The following RBFOX1 variants were observed in gnomAD, a reference collection of about 807,000 sequenced individuals.
RBFOX1 encodes RNA binding protein fox-1 homolog 1.
RBFOX1 carries 8 observed loss-of-function variants against 57.7 expected under a neutral mutation model. That is an observed-to-expected ratio of 0.14 (90% CI 0.08 to 0.25). The LOEUF is 0.25. Ranked by LOEUF, RBFOX1 falls within the 10% of genes least tolerant of loss-of-function variation. The pLI, the probability that RBFOX1 is intolerant of heterozygous loss-of-function variation, is 1.00. For synonymous variants in RBFOX1, 326 were observed against 222.4 expected (o/e 1.47, Z -4.15); for missense variants, 611 against 548.5 (o/e 1.11, Z -1.14).
At chr16:6,034,620 G>T (rs190403746) in intron 1 of RBFOX1, among the ~76,000 whole-genome samples, 1 of 152,156 alleles carries the variant, frequency 6.6e-6, no homozygotes, top group Non-Finnish European at 1.5e-5. Context: ...GTCCTTAATA[G>T]TGTTGCATTG....
At chr16:7,595,265 G>T (rs2094627502) in intron 7 of RBFOX1, among the ~76,000 whole-genome samples, 1 of 151,338 alleles carries the variant, frequency 6.6e-6, no homozygotes, top group South Asian at 2.1e-4. Context: ...TTTTCTTTTC[G>T]TTAGATTTAT....
At chr16:5,657,040 G>A (rs1003812167) in intron 3 of RBFOX1, among the ~76,000 whole-genome samples, 12 of 152,118 alleles carry the variant, frequency 7.9e-5, no homozygotes, top group Admixed American at 2.6e-4. Context: ...CATGGCACAT[G>A]TATACCTGTG....
intron 1 of RBFOX1, among the ~76,000 whole-genome samples, chr16:6,251,794 C>A (rs916367174): frequency 1.3e-5 from 2 of 152,126 alleles, no homozygotes; most frequent in African/African-American, 4.8e-5. Context: ...CACTTCACTT[C>A]GGGACTTCTC....
intron 4 of RBFOX1, among the ~76,000 whole-genome samples, chr16:7,192,166 A>T (rs994777003): frequency 6.6e-6 from 1 of 152,258 alleles, no homozygotes; most frequent in Non-Finnish European, 1.5e-5. Context: ...GGAATTCGCA[A>T]TAGCGGTTCT....
intron 4 of RBFOX1, among the ~76,000 whole-genome samples, chr16:7,380,507 A>G (rs537331402): frequency 6.6e-6 from 1 of 152,216 alleles, no homozygotes; most frequent in Non-Finnish European, 1.5e-5. Context: ...CTGTCTGGTA[A>G]TCATCTTTCA....
intron 4 of RBFOX1, among the ~76,000 whole-genome samples, chr16:7,197,375 G>A (rs2086973836): frequency 6.8e-6 from 1 of 146,588 alleles, no homozygotes; most frequent in African/African-American, 2.5e-5. Flanking sequence ...TTTCTGGAGT[G>A]ATGTTTTTCT....
Position 6,233,755 on chromosome 16 carries a change from T to G in RBFOX1, c.-126-83240T>G, listed in dbSNP as rs536909422. On this transcript the variant is annotated intron_variant, in intron 1 of 15. Coordinates refer to ENST00000550418, the MANE Select transcript of RBFOX1 (RefSeq NM_018723.4). ...TCCCAAAGTGCTGGGATTACAGACA[T>G]GAGCCACCATGCCCATCCCAACTTT... is the stretch of plus-strand genomic sequence containing the variant. Among the ~76,000 whole-genome samples, 5 of 152,218 alleles carry G rather than the reference T, an allele frequency of 3.3e-5. No individual in the cohort carries two copies. The South Asian group carries it at 8.3e-4, about 25-fold the overall frequency.
In RBFOX1 at chr16:6,553,621, C is replaced by A. The variant is rs988879955; in HGVS notation, c.-63-100982C>A. ...GTTGCCATGGAGGTGAGAGTAGACG[C>A]GGTGGGGATGGACGATCTCTCTCAG... is the stretch of plus-strand genomic sequence containing the variant. On this transcript the variant is annotated intron_variant, in intron 2 of 15. Coordinates refer to ENST00000550418, the MANE Select transcript of RBFOX1 (RefSeq NM_018723.4). Among the ~76,000 whole-genome samples the A allele has an allele frequency of 2.0e-5, 3 of 151,862 alleles. No individual in the cohort carries two copies. The South Asian group carries it at 6.3e-4, about 32-fold the overall frequency.
chr16:6,412,458 C>T lies in RBFOX1; in HGVS notation c.-64+95401C>T, dbSNP rs2093489854. Among the ~76,000 whole-genome samples the T allele has an allele frequency of 2.0e-5, 3 of 152,092 alleles. No homozygotes were observed. The South Asian group carries it at 6.2e-4, about 32-fold the overall frequency. On this transcript the variant is annotated intron_variant, in intron 2 of 15. Coordinates refer to ENST00000550418, the MANE Select transcript of RBFOX1 (RefSeq NM_018723.4). ...TGTTCAATTCACACTATTCATGGACCCCTATATGCCTTTCAATGATCATCC... is the reference window on the plus strand; with the variant it reads ...TGTTCAATTCACACTATTCATGGACTCCTATATGCCTTTCAATGATCATCC...
At chr16:7,683,807 G>A (rs1014128) in intron 14 of RBFOX1, among the ~76,000 whole-genome samples, 128,647 of 151,930 alleles carry the variant, frequency 0.85, 54,889 homozygotes, top group Non-Finnish European at 0.9. Flanking sequence ...GAGAATATAC[G>A]TGCAAAGCCC....
In RBFOX1 at chr16:5,401,793, T is replaced by TCCTC. The variant is rs200917305; in HGVS notation, c.220-65422_220-65421insCTCC. 7.4e-3 allele frequency among the ~76,000 whole-genome samples: 1,096 copies of TCCTC among 149,046 alleles called. 17 individuals are homozygous for TCCTC. Among genetic ancestry groups the TCCTC allele is most frequent in the Admixed American group, 0.017 (258 of 14,744 alleles). On this transcript the variant is annotated intron_variant, in intron 1 of 2. Transcript: ENST00000585867. ...CTCCTCCTCCTCCTCCTCCTCCTCC[T>TCCTC]CTTTCTCCTCCTCCTTCTCCTTCTC...
At chr16:6,727,840 C>G (rs1393947821) in intron 3 of RBFOX1, among the ~76,000 whole-genome samples, 1 of 152,088 alleles carries the variant, frequency 6.6e-6, no homozygotes, top group Non-Finnish European at 1.5e-5. Flanking sequence ...TTCTCTGTTC[C>G]TCCTCGGGCA....
intron 2 of RBFOX1, among the ~76,000 whole-genome samples, chr16:6,465,884 TTG>T (rs111917166): frequency 6.8e-5 from 10 of 146,234 alleles, no homozygotes; most frequent in African/African-American, 1.5e-4. Context: ...ATTTGTGTGT[TTG>T]TGTGTGTGTG....
intron 1 of RBFOX1, among the ~76,000 whole-genome samples, chr16:6,256,126 A>AAT (rs1296527731): frequency 2.5e-5 from 2 of 80,428 alleles, no homozygotes; most frequent in Non-Finnish European, 2.9e-5. Flanking sequence ...ATCTGTAACA[A>AAT]ATATATATAT....
At chr16:7,124,855 A>T (rs2068086113) in intron 4 of RBFOX1, among the ~76,000 whole-genome samples, 1 of 152,092 alleles carries the variant, frequency 6.6e-6, no homozygotes, top group Non-Finnish European at 1.5e-5. Context: ...TTCATAAATT[A>T]CTAAAGTGTA....
intron 2 of RBFOX1, among the ~76,000 whole-genome samples, chr16:6,461,976 C>G (rs1175798472): frequency 6.6e-6 from 1 of 152,112 alleles, no homozygotes; most frequent in Non-Finnish European, 1.5e-5. Context: ...TTGAATGTTT[C>G]ACACGATGCA....
At chr16:5,343,311 T>G (rs111277395) in intron 1 of RBFOX1, among the ~76,000 whole-genome samples, 3 of 148,440 alleles carry the variant, frequency 2.0e-5, no homozygotes, top group African/African-American at 7.7e-5. Context: ...TTTTTTTTTT[T>G]TTTTTTTGGT....
At chr16:6,526,088 G>A (rs2096573813) in intron 2 of RBFOX1, among the ~76,000 whole-genome samples, 1 of 152,286 alleles carries the variant, frequency 6.6e-6, no homozygotes, top group East Asian at 1.9e-4. Context: ...TTCCTTGGAT[G>A]TGCGATAGGG....
chr16:6,812,002 C>G (rs2088761014), intron 3 of RBFOX1, among the ~76,000 whole-genome samples: 1 of 152,170 alleles, frequency 6.6e-6, no homozygotes, highest in African/African-American at 2.4e-5. Flanking sequence ...ACAGAGGTGG[C>G]CATGCCATTT....
Sources: allele counts gnomAD v4.1 joint callset (sites outside exome capture counted in the v4.1 genomes callset), GRCh38; gene constraint gnomAD v4.1.1; transcripts MANE v1.5; gene names NCBI Gene and HGNC (gene_info 2026-07-23, HGNC 2026-07-21).